Variants in MACROD2 observed in about 807,000 individuals in gnomAD.
MACROD2 encodes ADP-ribose glycohydrolase MACROD2.
MACROD2 carries 36 observed loss-of-function variants against 70.4 expected under a neutral mutation model. The ratio of observed to expected loss-of-function variants is 0.51; its 90% confidence interval spans 0.39 to 0.68. MACROD2 has a LOEUF of 0.68. MACROD2 is among the 30% of genes least tolerant of loss of function. MACROD2 has a pLI of 0.00. For missense variants in MACROD2, 496 were observed against 538.4 expected, an observed-to-expected ratio of 0.92 and a Z score of 0.78; for synonymous variants, 172 against 178.8, an observed-to-expected ratio of 0.96 and a Z score of 0.30.
At chr20:15,884,780 G>C (rs1019472182) in intron 9 of MACROD2, among the ~76,000 whole-genome samples, 3 of 152,046 alleles carry the variant, frequency 2.0e-5, no homozygotes, top group African/African-American at 7.2e-5. Context: ...AGACTCAGTG[G>C]CTTACAAACA....
At chr20:14,336,459 G>A (rs1162533766) in intron 3 of MACROD2, among the ~76,000 whole-genome samples, 2 of 152,060 alleles carry the variant, frequency 1.3e-5, no homozygotes, top group Non-Finnish European at 2.9e-5. Context: ...CTAATTCAGT[G>A]AACAAAATTT....
intron 6 of MACROD2, among the ~76,000 whole-genome samples, chr20:15,421,669 A>T (rs760173044): frequency 9.2e-5 from 14 of 152,200 alleles, no homozygotes; most frequent in Non-Finnish European, 1.5e-4. Context: ...TAGATCTTAT[A>T]ACTTAATCAT....
chr20:15,038,090 G>A (rs2075328059), intron 5 of MACROD2, among the ~76,000 whole-genome samples: 1 of 152,050 alleles, frequency 6.6e-6, no homozygotes, highest in Admixed American at 6.5e-5. Context: ...ATTGTAAAAA[G>A]GGTAATAAAT....
chr20:14,166,945 A>T (rs2055277530), intron 3 of MACROD2, among the ~76,000 whole-genome samples: 3 of 152,190 alleles, frequency 2.0e-5, no homozygotes, highest in Non-Finnish European at 2.9e-5. Context: ...TATACTCTGT[A>T]GTTAATATCT....
At chr20:14,690,137 G>C (rs575148362) in intron 5 of MACROD2, among the ~76,000 whole-genome samples, 5 of 151,946 alleles carry the variant, frequency 3.3e-5, no homozygotes, top group Non-Finnish European at 7.4e-5. Flanking sequence ...TTTCAGCATA[G>C]CTCACATGTC....
chr20:15,613,400 G>A (rs2048996910), intron 8 of MACROD2, among the ~76,000 whole-genome samples: 1 of 152,242 alleles, frequency 6.6e-6, no homozygotes, highest in Admixed American at 6.5e-5. Flanking sequence ...ACTTATTTCG[G>A]TGCCTGTCCT....
At chr20:14,648,525 A>G (rs1298406978) in intron 4 of MACROD2, among the ~76,000 whole-genome samples, 1 of 152,154 alleles carries the variant, frequency 6.6e-6, no homozygotes, top group Non-Finnish European at 1.5e-5. Context: ...AACAGAAACT[A>G]GCAGTCCAAT....
chr20:15,252,413 C>G (rs918973477), intron 6 of MACROD2, among the ~76,000 whole-genome samples: 3 of 152,178 alleles, frequency 2.0e-5, no homozygotes, highest in African/African-American at 7.2e-5. Context: ...ATAGAGGCAG[C>G]TCCAGCTCCA....
chr20:14,199,268 G>C (rs2081459368), intron 3 of MACROD2, among the ~76,000 whole-genome samples: 1 of 152,224 alleles, frequency 6.6e-6, no homozygotes, highest in Non-Finnish European at 1.5e-5. Context: ...ACGTCGGTGA[G>C]TGACAAGGGT....
intron 4 of MACROD2, among the ~76,000 whole-genome samples, chr20:14,514,629 G>A (rs1286354894): frequency 6.6e-6 from 1 of 152,082 alleles, no homozygotes; most frequent in Non-Finnish European, 1.5e-5. Context: ...ACTAATACAG[G>A]GAAGAAGTCC....
In MACROD2 at chr20:16,051,402, T is replaced by G. The variant is rs914586186; in HGVS notation, c.*1526T>G. On this transcript the variant is annotated 3_prime_UTR_variant, in exon 18 of 18. Coordinates refer to ENST00000684519, the MANE Select transcript of MACROD2 (RefSeq NM_001351661.2). ...CCTATGACTTTGGTTTTAGCCTTTC[T>G]GAATTTGTTACCCCTTCTGGATGGC... 4.6e-4 allele frequency: 70 copies of G among 152,238 alleles called. 1 individual carries two copies. The highest frequency in any genetic ancestry group is 1.6e-3 in the African/African-American group (65 of 41,466). 9.4% of individuals were successfully genotyped at this position (152,238 alleles called of 1,614,324 possible).
At chr20:15,095,319 C>T (rs1386819884) in intron 5 of MACROD2, among the ~76,000 whole-genome samples, 1 of 151,902 alleles carries the variant, frequency 6.6e-6, no homozygotes, top group Non-Finnish European at 1.5e-5. Context: ...TCGTGATCCA[C>T]CCACTTCGGC....
At chr20:14,783,715 A>G (rs1014709853) in intron 5 of MACROD2, among the ~76,000 whole-genome samples, 18 of 152,070 alleles carry the variant, frequency 1.2e-4, no homozygotes, top group Admixed American at 2.0e-4. Context: ...GAGAGAGGAA[A>G]AGTGAAATAA....
At chr20:15,848,077 T>C (rs1173430277) in intron 8 of MACROD2, among the ~76,000 whole-genome samples, 1 of 152,210 alleles carries the variant, frequency 6.6e-6, no homozygotes, top group East Asian at 1.9e-4. Context: ...TTGATATTCA[T>C]AATAAATGTT....
intron 5 of MACROD2, among the ~76,000 whole-genome samples, chr20:14,854,275 G>A (rs537543193): frequency 5.3e-5 from 8 of 152,196 alleles, no homozygotes; most frequent in South Asian, 2.1e-4. Context: ...TAGAAACTGC[G>A]GTGAGAAGTG....
intron 4 of MACROD2, among the ~76,000 whole-genome samples, chr20:14,538,694 G>A (rs535583017): frequency 3.3e-5 from 5 of 152,176 alleles, no homozygotes; most frequent in Admixed American, 6.5e-5. Flanking sequence ...TCACTCCTTC[G>A]TACATTGTCA....
chr20:15,094,685 G>T (rs1420807615), intron 5 of MACROD2, among the ~76,000 whole-genome samples: 3 of 152,032 alleles, frequency 2.0e-5, no homozygotes, highest in Admixed American at 1.3e-4. Flanking sequence ...TAAGGTGAAA[G>T]CCTCCCATCC....
At chr20:15,180,659 T>G (rs2145901687) in intron 5 of MACROD2, among the ~76,000 whole-genome samples, 1 of 152,350 alleles carries the variant, frequency 6.6e-6, no homozygotes, top group African/African-American at 2.4e-5. Context: ...AAGCTAGTTT[T>G]GTCCTTACAT....
intron 5 of MACROD2, among the ~76,000 whole-genome samples, chr20:14,843,175 T>C (rs2073104908): frequency 6.6e-6 from 1 of 150,398 alleles, no homozygotes; most frequent in South Asian, 2.1e-4. Flanking sequence ...TTTTTTTTTT[T>C]TTTTTTTGCT....
Sources: gnomAD v4.1 joint callset for allele counts (sites outside exome capture counted in the v4.1 genomes callset) on GRCh38, gnomAD v4.1.1 for gene constraint, MANE v1.5 for transcripts, NCBI Gene and HGNC (gene_info 2026-07-23, HGNC 2026-07-21) for gene names.